Variants in GOLM2 observed in about 807,000 individuals in gnomAD.
The protein encoded by GOLM2 is golgi membrane protein 2, also known as protein GOLM2.
A neutral mutation model predicts 55.9 loss-of-function variants in GOLM2; 26 were observed. The observed-to-expected ratio is 0.47, with a 90% CI of 0.34 to 0.65. The LOEUF (loss-of-function observed/expected upper bound fraction) is 0.65. Among genes scored for constraint, GOLM2 ranks in the 30% least tolerant of loss-of-function variants. The pLI, the probability that GOLM2 is intolerant of heterozygous loss-of-function variation, is 0.01. For synonymous variants in GOLM2, 165 were observed against 194.6 expected (o/e 0.85, Z 1.27); for missense variants, 486 against 531.8 (o/e 0.91, Z 0.85).
intron 6 of GOLM2, among the ~76,000 whole-genome samples, chr15:44,369,067 TTATATATATATATATATATA>T (rs58317520): frequency 0.011 from 243 of 22,980 alleles, 15 homozygotes; most frequent in Admixed American, 0.014. Context: ...ATAGGATATA[TTATATATATATATATATATA>T]TATATATATA....
At chr15:44,350,087 G>C (rs889278228) in intron 6 of GOLM2, among the ~76,000 whole-genome samples, 1 of 151,860 alleles carries the variant, frequency 6.6e-6, no homozygotes, top group Admixed American at 6.6e-5. Flanking sequence ...TAAAGAACTA[G>C]AAAAGCAAGA....
At chr15:44,387,426 T>C (rs545460632) in intron 8 of GOLM2, 2 of 152,314 alleles carry the variant, frequency 1.3e-5, no homozygotes, top group Non-Finnish European at 2.9e-5. Flanking sequence ...TCGAACTGTT[T>C]TCTTAATTTT....
chr15:44,397,478 CAAAA>C (rs1007948393), intron 8 of GOLM2, among the ~76,000 whole-genome samples: 9 of 32,564 alleles, frequency 2.8e-4, no homozygotes, highest in African/African-American at 9.7e-4. Context: ...GACTCCGTCT[CAAAA>C]AAAAAAAAAA....
At chr15:44,312,868 C>T (rs1382780849) in intron 1 of GOLM2, among the ~76,000 whole-genome samples, 10 of 152,114 alleles carry the variant, frequency 6.6e-5, no homozygotes, top group Non-Finnish European at 1.5e-4. Flanking sequence ...ATCACGAGGT[C>T]AGCAGATAGA....
At chr15:44,402,182 T>C (rs1038020153) in intron 8 of GOLM2, among the ~76,000 whole-genome samples, 5 of 151,770 alleles carry the variant, frequency 3.3e-5, no homozygotes, top group Non-Finnish European at 7.4e-5. Context: ...TGGCCTGTTA[T>C]AGGTCAGTTT....
chr15:44,349,208 G>A (rs2079144780), intron 6 of GOLM2, among the ~76,000 whole-genome samples: 1 of 148,192 alleles, frequency 6.7e-6, no homozygotes, highest in South Asian at 2.2e-4. Context: ...GCGGTGAGCT[G>A]AGATCGCGCC....
At chr15:44,330,780 A>G (rs2079018009) in intron 3 of GOLM2, among the ~76,000 whole-genome samples, 1 of 152,110 alleles carries the variant, frequency 6.6e-6, no homozygotes, top group African/African-American at 2.4e-5. Context: ...TTTCAGTAGT[A>G]TATTTTCTCA....
chr15:44,353,878 A>G (rs2079180802), intron 6 of GOLM2, among the ~76,000 whole-genome samples: 1 of 152,220 alleles, frequency 6.6e-6, no homozygotes, highest in Non-Finnish European at 1.5e-5. Context: ...ATAGAACAGC[A>G]GAGTGACTAA....
intron 8 of GOLM2, among the ~76,000 whole-genome samples, chr15:44,390,936 G>A (rs888987978): frequency 1.3e-5 from 2 of 151,984 alleles, no homozygotes; most frequent in South Asian, 2.1e-4. Flanking sequence ...CCTCCCAAAG[G>A]CCCCATCTCT....
intron 4 of GOLM2, among the ~76,000 whole-genome samples, chr15:44,336,808 C>T (rs993109567): frequency 4.6e-5 from 7 of 151,766 alleles, no homozygotes; most frequent in African/African-American, 7.3e-5. Context: ...CCCAGTTACT[C>T]GGGAGGCTAA....
intron 1 of GOLM2, among the ~76,000 whole-genome samples, chr15:44,318,247 C>T (rs2078924849): frequency 6.6e-6 from 1 of 152,132 alleles, no homozygotes; most frequent in African/African-American, 2.4e-5. Flanking sequence ...TAACAGTCAT[C>T]CTTAGCTTCC....
chr15:44,319,638 A>C (rs191297034), intron 1 of GOLM2, among the ~76,000 whole-genome samples: 2 of 152,094 alleles, frequency 1.3e-5, no homozygotes, highest in East Asian at 3.9e-4. Flanking sequence ...CTAGGGTAGG[A>C]GTGCCGTGGT....
intron 6 of GOLM2, among the ~76,000 whole-genome samples, chr15:44,377,057 T>G (rs1329133832): frequency 1.3e-5 from 2 of 152,104 alleles, no homozygotes; most frequent in Non-Finnish European, 2.9e-5. Flanking sequence ...ACTAGTTAAG[T>G]TGTTACAGTT....
At chr15:44,321,840 C>G (rs1448356459) in intron 1 of GOLM2, among the ~76,000 whole-genome samples, 1 of 151,434 alleles carries the variant, frequency 6.6e-6, no homozygotes, top group African/African-American at 2.4e-5. Flanking sequence ...TCACTTGAGT[C>G]CAAGAGTTCA....
At chr15:44,352,386 G>A (rs1338309482) in intron 6 of GOLM2, among the ~76,000 whole-genome samples, 1 of 152,046 alleles carries the variant, frequency 6.6e-6, no homozygotes, top group Non-Finnish European at 1.5e-5. Flanking sequence ...ATCGAAACTA[G>A]CTCCCTGTCT....
intron 6 of GOLM2, among the ~76,000 whole-genome samples, chr15:44,341,984 C>A (rs989893932): frequency 1.3e-5 from 2 of 152,216 alleles, no homozygotes; most frequent in African/African-American, 4.8e-5. Context: ...GCGTGAGCCA[C>A]CGCGCCTGGC....
intron 6 of GOLM2, chr15:44,355,230 T>C (rs1425475017): frequency 6.2e-6 from 1 of 162,320 alleles, no homozygotes; most frequent in African/African-American, 2.4e-5. Flanking sequence ...CTGCTATCAC[T>C]GCCACCCAGG....
At chr15:44,299,926 CAAAAAAAAAAAAA>C (rs1009141482) in intron 1 of GOLM2, among the ~76,000 whole-genome samples, 4 of 11,538 alleles carry the variant, frequency 3.5e-4, no homozygotes, top group South Asian at 4.1e-3. Flanking sequence ...GGCAACATAG[CAAAAAAAAAAAAA>C]AAAAAAAAAA....
At chr15:44,313,970 G>A (rs978106224) in intron 1 of GOLM2, among the ~76,000 whole-genome samples, 16 of 152,114 alleles carry the variant, frequency 1.1e-4, no homozygotes, top group African/African-American at 3.9e-4. Flanking sequence ...AGGCGCAGTG[G>A]CTCATGCCTG....
Sources: gnomAD v4.1 joint callset for allele counts (sites outside exome capture counted in the v4.1 genomes callset) on GRCh38, gnomAD v4.1.1 for gene constraint, MANE v1.5 for transcripts, NCBI Gene and HGNC (gene_info 2026-07-23, HGNC 2026-07-21) for gene names.